KIAA1549L: variants seen among roughly 807,000 people sequenced by gnomAD.
The protein encoded by KIAA1549L is UPF0606 protein KIAA1549L.
Under a neutral mutation model 160.7 loss-of-function variants are expected in KIAA1549L, and 88 were observed. The observed-to-expected ratio is 0.55, with a 90% CI of 0.46 to 0.65. The LOEUF (loss-of-function observed/expected upper bound fraction) is 0.65. Ranked by LOEUF, KIAA1549L falls within the 30% of genes least tolerant of loss-of-function variation. The probability of loss-of-function intolerance (pLI) is 0.00; values close to 1 mark genes in which losing one functional copy is unlikely to be tolerated. For synonymous variants in KIAA1549L, 950 were observed against 976.7 expected, an observed-to-expected ratio of 0.97 and a Z score of 0.51; for missense variants, 2,258 against 2,437.5, an observed-to-expected ratio of 0.93 and a Z score of 1.55.
At chr11:33,415,182 A>C (rs568596559) in intron 1 of KIAA1549L, among the ~76,000 whole-genome samples, 1 of 152,052 alleles carries the variant, frequency 6.6e-6, no homozygotes, top group East Asian at 1.9e-4. Flanking sequence ...TGGCTAGTTC[A>C]GGGCGTTAGA....
chr11:33,394,674 G>T (rs888908097), intron 1 of KIAA1549L, among the ~76,000 whole-genome samples: 8 of 152,202 alleles, frequency 5.3e-5, no homozygotes, highest in Non-Finnish European at 1.2e-4. Flanking sequence ...GCTAACTGTG[G>T]TAACAAACCA....
intron 1 of KIAA1549L, among the ~76,000 whole-genome samples, chr11:33,395,576 ATTTCC>A (rs1850357743): frequency 6.6e-6 from 1 of 151,896 alleles, no homozygotes; most frequent in African/African-American, 2.4e-5. Context: ...TTTATTTTTT[ATTTCC>A]TTAGGTTTTT....
intron 1 of KIAA1549L, among the ~76,000 whole-genome samples, chr11:33,464,511 T>C (rs61583625): frequency 0.03 from 4,208 of 139,548 alleles, 135 homozygotes; most frequent in Admixed American, 0.082. Context: ...TGTGTGTGTG[T>C]GCGTGCGCGC....
At chr11:33,426,695 G>A (rs1056387541) in intron 1 of KIAA1549L, among the ~76,000 whole-genome samples, 22 of 152,302 alleles carry the variant, frequency 1.4e-4, no homozygotes, top group African/African-American at 4.8e-4. Context: ...GCAGGTAGGT[G>A]ATAGTTCCCT....
At chr11:33,601,641 T>C (rs1850362744) in intron 13 of KIAA1549L, among the ~76,000 whole-genome samples, 1 of 152,248 alleles carries the variant, frequency 6.6e-6, no homozygotes, top group Non-Finnish European at 1.5e-5. Context: ...TCTTATGGCT[T>C]AGTATCTATT....
chr11:33,452,939 G>A (rs958537095), intron 1 of KIAA1549L, among the ~76,000 whole-genome samples: 9 of 152,088 alleles, frequency 5.9e-5, no homozygotes, highest in South Asian at 2.1e-4. Context: ...TCCTTCCTGC[G>A]GACACACTCC....
At chr11:33,558,759 A>T (rs746230912) in intron 6 of KIAA1549L, among the ~76,000 whole-genome samples, 1 of 152,212 alleles carries the variant, frequency 6.6e-6, no homozygotes, top group South Asian at 2.1e-4. Flanking sequence ...TACACATTCA[A>T]TGTTGAATTA....
At chr11:33,481,880 G>A (rs1034584676) in intron 1 of KIAA1549L, among the ~76,000 whole-genome samples, 2 of 152,192 alleles carry the variant, frequency 1.3e-5, no homozygotes, top group Non-Finnish European at 2.9e-5. Flanking sequence ...GCTCTTAACT[G>A]CACCTTTTAA....
At chr11:33,480,193 A>G (rs1852379924) in intron 1 of KIAA1549L, among the ~76,000 whole-genome samples, 1 of 152,096 alleles carries the variant, frequency 6.6e-6, no homozygotes, top group African/African-American at 2.4e-5. Context: ...ATTTTAGAAC[A>G]TTTTCCTCTT....
intron 6 of KIAA1549L, among the ~76,000 whole-genome samples, chr11:33,553,621 T>C (rs1854547621): frequency 6.6e-6 from 1 of 152,246 alleles, no homozygotes; most frequent in African/African-American, 2.4e-5. Context: ...GATCTAAAAA[T>C]GTGTCACAGA....
At chr11:33,517,094 C>T (rs1853363680) in intron 1 of KIAA1549L, among the ~76,000 whole-genome samples, 1 of 152,200 alleles carries the variant, frequency 6.6e-6, no homozygotes, top group Non-Finnish European at 1.5e-5. Context: ...GCAGATGATG[C>T]AGCTGTAATG....
intron 18 of KIAA1549L, among the ~76,000 whole-genome samples, chr11:33,657,986 G>T (rs1340944400): frequency 1.3e-5 from 2 of 152,158 alleles, no homozygotes; most frequent in African/African-American, 4.8e-5. Context: ...TTTTAGGGGA[G>T]CCTGAAGTCC....
At chr11:33,493,300 T>C (rs1474896039) in intron 1 of KIAA1549L, among the ~76,000 whole-genome samples, 1 of 152,198 alleles carries the variant, frequency 6.6e-6, no homozygotes, top group Non-Finnish European at 1.5e-5. Context: ...TTTTGCTCTC[T>C]TGCCCCCTTC....
chr11:33,545,047 C>T lies in KIAA1549L; in HGVS notation c.3054C>T (p.Thr1018=), dbSNP rs1158021057. 3 of 1,613,994 alleles carry T rather than the reference C, an allele frequency of 1.9e-6. No homozygotes were observed. Among genetic ancestry groups the T allele is most frequent in the Non-Finnish European group, 2.5e-6 (3 of 1,179,878 alleles). Residue 1018 remains threonine, a synonymous_variant, in exon 3 of 21, where the codon ACC becomes ACT. Transcript: ENST00000658780. ...PTYMYARTGH[T]TSTHTAMQGN... Reference sequence around the variant, plus strand: ...ACATGTATGCAAGAACAGGACATACCACGAGCACACATACAGCCATGCAAG... The same window carrying T: ...ACATGTATGCAAGAACAGGACATACTACGAGCACACATACAGCCATGCAAG...
At chr11:33,469,339 CTTTAT>C (rs1297765958) in intron 1 of KIAA1549L, among the ~76,000 whole-genome samples, 3 of 152,110 alleles carry the variant, frequency 2.0e-5, no homozygotes, top group Admixed American at 6.6e-5. Flanking sequence ...CCAGGTTTAT[CTTTAT>C]TTTAACAAAT....
Position 33,614,107 on chromosome 11 carries a change from A to T in KIAA1549L, c.5279+4141A>T, listed in dbSNP as rs548066892. 5.3e-5 allele frequency among the ~76,000 whole-genome samples: 8 copies of T among 152,236 alleles called. No homozygotes were observed. In the East Asian group the frequency reaches 1.2e-3, roughly 22 times the overall value. Reference sequence around the variant, plus strand: ...AGCATCCTCAGTTTGTAACAGATGGAAACTGATGGATAAATACCCCTGGCA... The same window carrying T: ...AGCATCCTCAGTTTGTAACAGATGGTAACTGATGGATAAATACCCCTGGCA... On this transcript the variant is annotated intron_variant, in intron 15 of 20. Transcript: ENST00000658780.
At chr11:33,661,683 C>A (rs1187880426) in intron 20 of KIAA1549L, among the ~76,000 whole-genome samples, 1 of 151,994 alleles carries the variant, frequency 6.6e-6, no homozygotes, top group Non-Finnish European at 1.5e-5. Context: ...AGTGAGAGAC[C>A]AGCCTGGCAA....
At chr11:33,406,725 T>C (rs371270607) in intron 1 of KIAA1549L, among the ~76,000 whole-genome samples, 2 of 152,232 alleles carry the variant, frequency 1.3e-5, no homozygotes, top group East Asian at 1.9e-4. Context: ...TGCATCTTTC[T>C]TCACGAATCT....
intron 1 of KIAA1549L, among the ~76,000 whole-genome samples, chr11:33,470,719 C>T (rs1852161266): frequency 6.6e-6 from 1 of 152,184 alleles, no homozygotes; most frequent in Non-Finnish European, 1.5e-5. Flanking sequence ...TCCGAAAATA[C>T]TGGGATTATA....
Sources: gnomAD v4.1 joint callset for allele counts (sites outside exome capture counted in the v4.1 genomes callset) on GRCh38, gnomAD v4.1.1 for gene constraint, MANE v1.5 for transcripts, NCBI Gene and HGNC (gene_info 2026-07-23, HGNC 2026-07-21) for gene names.